Variants in SPINK5 observed in about 807,000 individuals in gnomAD.
SPINK5 encodes the protein serine protease inhibitor Kazal-type 5.
SPINK5 carries 125 observed loss-of-function variants against 151.8 expected under a neutral mutation model. That is an observed-to-expected ratio of 0.82 (90% CI 0.71 to 0.96). The LOEUF (loss-of-function observed/expected upper bound fraction) is 0.96. SPINK5 is among the 40% of genes least tolerant of loss of function. The probability of loss-of-function intolerance (pLI) is 0.00; values close to 1 mark genes in which losing one functional copy is unlikely to be tolerated. For synonymous variants in SPINK5, 374 were observed against 395.3 expected (o/e 0.95, Z 0.64); for missense variants, 1,194 against 1,291.9 (o/e 0.92, Z 1.16).
chr5:148,065,370 C>G lies in SPINK5; in HGVS notation c.79C>G (p.Gln27Glu). 2 of 1,613,520 alleles carry G rather than the reference C, an allele frequency of 1.2e-6. No homozygotes were observed. Among genetic ancestry groups the G allele is most frequent in the Non-Finnish European group, 1.7e-6 (2 of 1,179,788 alleles). ...IQDAASKNED[Q>E]EMCHEFQAFM... is the part of the protein sequence containing the mutation. ...AGATGCTGCCAGTAAGAATGAAGAT[C>G]AGGTTAGTCCTGCTTTTTCTGTTCA... is the stretch of plus-strand genomic sequence containing the variant. Residue 27 changes from glutamine to glutamate, a missense_variant and splice_region_variant, in exon 2 of 33, where the codon CAG becomes GAG. Gln to Glu is a conservative substitution (Grantham distance 29). Transcript: ENST00000256084.
At chr5:148,128,363 C>A (rs1001623804) in intron 30 of SPINK5, among the ~76,000 whole-genome samples, 1 of 151,776 alleles carries the variant, frequency 6.6e-6, no homozygotes, top group Admixed American at 6.6e-5. Flanking sequence ...ACCAGTAGCC[C>A]CCTCATTCTC....
intron 5 of SPINK5, among the ~76,000 whole-genome samples, 170 bp from the exon 6 acceptor site, chr5:148,088,372 A>C (rs1244423190): frequency 6.6e-6 from 1 of 151,888 alleles, no homozygotes; most frequent in African/African-American, 2.4e-5. Context: ...CATTTCTTTG[A>C]CTTGAAGTTA....
chr5:148,070,250 T>C, intron 2 of SPINK5, 73 bp from the exon 3 acceptor site: 1 of 1,542,846 alleles, frequency 6.5e-7, no homozygotes, highest in Non-Finnish European at 8.9e-7. Flanking sequence ...TACATATATC[T>C]ACATATATAT....
In SPINK5 at chr5:148,126,984, C is replaced by CT; in HGVS notation, c.2870dup (p.Thr958AsnfsTer17). The CT allele has an allele frequency of 6.2e-7, 1 of 1,609,862 alleles. No homozygotes were observed. Among genetic ancestry groups the CT allele is most frequent in the Non-Finnish European group, 8.5e-7 (1 of 1,177,662 alleles). On this transcript the variant is annotated frameshift_variant and splice_region_variant, in exon 30 of 33. Coordinates refer to ENST00000256084, the MANE Select transcript of SPINK5 (RefSeq NM_006846.4). LOFTEE classifies it high-confidence loss of function. ...ATTATTTTTTATTTTCTTCTCTAGT[C>CT]TAACAGAAGCTTTGGAAAGGGCAAA...
rs927214297 is a variant in SPINK5, at chr5:148,114,415, A to G, written c.1941A>G (p.Thr647=). 5 of 1,613,742 alleles carry G rather than the reference A, an allele frequency of 3.1e-6. No homozygotes were observed. The highest frequency in any genetic ancestry group is 1.7e-5 in the Admixed American group (1 of 59,984). Residue 647 remains threonine, a synonymous_variant, in exon 21 of 33, where the codon ACA becomes ACG. Transcript: ENST00000256084. ...RLLQNGKLFC[T]RENDPVRGPD... Reference sequence around the variant, plus strand: ...TGCAAAATGGAAAACTTTTCTGCACAAGAGAAAATGATCCTGTGCGTGGCC... The same window carrying G: ...TGCAAAATGGAAAACTTTTCTGCACGAGAGAAAATGATCCTGTGCGTGGCC...
At chr5:148,135,343 A>G (rs1303435819) in intron 32 of SPINK5, among the ~76,000 whole-genome samples, 1 of 152,166 alleles carries the variant, frequency 6.6e-6, no homozygotes, top group Non-Finnish European at 1.5e-5. Flanking sequence ...CACACCTTAG[A>G]CCACACTTCC....
chr5:148,135,081 T>A (rs1754664388), intron 32 of SPINK5, among the ~76,000 whole-genome samples: 1 of 152,162 alleles, frequency 6.6e-6, no homozygotes, highest in African/African-American at 2.4e-5. Flanking sequence ...ATCTTTCTCA[T>A]GTGGGCTTGA....
intron 9 of SPINK5, among the ~76,000 whole-genome samples, chr5:148,095,298 T>A (rs949802419): frequency 6.6e-6 from 1 of 152,006 alleles, no homozygotes; most frequent in African/African-American, 2.4e-5. Flanking sequence ...GGTATGTGTT[T>A]GTATTATATA....
At chr5:148,069,553 G>A (rs759365692) in intron 2 of SPINK5, among the ~76,000 whole-genome samples, 20 of 152,194 alleles carry the variant, frequency 1.3e-4, no homozygotes, top group South Asian at 4.1e-4. Flanking sequence ...AGATTCACAA[G>A]GTTTGATTCT....
intron 26 of SPINK5, among the ~76,000 whole-genome samples, chr5:148,121,084 CAGTG>C (rs10571620): frequency 0.56 from 77,746 of 139,340 alleles, 22,122 homozygotes; most frequent in Admixed American, 0.66. Context: ...GGCGAGCTTG[CAGTG>C]AGCTGAGATA....
At chr5:148,079,868 A>T (rs1291365079) in intron 4 of SPINK5, among the ~76,000 whole-genome samples, 1 of 151,082 alleles carries the variant, frequency 6.6e-6, no homozygotes, top group Non-Finnish European at 1.5e-5. Context: ...GTTTACTGTC[A>T]CCACTCCTAT....
rs771524544 is a variant in SPINK5 at position 148,116,326 on chromosome 5, C to G, written c.2016-44C>G. ...GAAACTCAAAGAAATGCACACCACT[C>G]TCTGTAATCTATTGTTCCCTACCTC... On this transcript the variant is annotated intron_variant, in intron 21 of 32. Transcript: ENST00000256084. 2.1e-5 allele frequency: 33 copies of G among 1,591,400 alleles called. 1 individual carries two copies. In the South Asian group the frequency reaches 3.3e-4, roughly 16 times the overall value.
chr5:148,073,463 C>T (rs1752793747), intron 4 of SPINK5, among the ~76,000 whole-genome samples: 2 of 151,812 alleles, frequency 1.3e-5, no homozygotes, highest in Admixed American at 6.6e-5. Flanking sequence ...TTATATTCTA[C>T]AAAATCTGTG....
chr5:148,112,980 G>T, intron 20 of SPINK5, 46 bp downstream of exon 20: 1 of 1,609,162 alleles, frequency 6.2e-7, no homozygotes, highest in Non-Finnish European at 8.5e-7. Context: ...ATGAGATTTT[G>T]CAGTATCTCT....
Position 148,089,563 on chromosome 5 carries a change from G to A in SPINK5, c.544G>A (p.Val182Ile). 1.2e-6 allele frequency: 2 copies of A among 1,612,250 alleles called. No individual in the cohort carries two copies. Among genetic ancestry groups the A allele is most frequent in the Non-Finnish European group, 1.7e-6 (2 of 1,178,830 alleles). The change falls in exon 7 of 33, where the codon GTT (valine) becomes ATT (isoleucine). Residue 182 changes from valine (V) to isoleucine (I), a missense_variant. Physicochemically the swap from Val to Ile is conservative, Grantham distance 29. Coordinates refer to ENST00000256084, the MANE Select transcript of SPINK5 (RefSeq NM_006846.4). ...RLGCTRENDP[V>I]LGPDGKTHGN... ...TGGATGCACAAGGGAAAATGATCCT[G>A]TTCTTGGTCCTGATGGGAAGACGCA...
Position 148,118,553 on chromosome 5 carries a change from T to G in SPINK5, c.2229T>G (p.Cys743Trp). 8 of 1,614,168 alleles carry G rather than the reference T, an allele frequency of 5.0e-6. No individual in the cohort carries two copies. The highest frequency in any genetic ancestry group is 6.8e-6 in the Non-Finnish European group (8 of 1,180,016). ...CGTACAACAATCAGTGTACCATGTG[T>G]AAAGCAAAATTGTAAGTATTTCTCT... ...GKSYNNQCTM[C>W]KAKLEREAER... is the part of the protein sequence containing the mutation. Residue 743 changes from cysteine (C) to tryptophan (W), a missense_variant, in exon 23 of 33, where the codon TGT becomes TGG. Transcript: ENST00000256084.
intron 26 of SPINK5, 61 bp from the exon 27 acceptor site, chr5:148,123,772 T>C (rs1754354119): frequency 6.2e-7 from 1 of 1,609,966 alleles, no homozygotes; most frequent in East Asian, 2.2e-5. Flanking sequence ...CGGTCAATCA[T>C]GTTATCAGGT....
At position 148,065,465 on chromosome 5, in the gene SPINK5, A is replaced by G. The variant is rs1181229722; in HGVS notation, c.81+93A>G. On this transcript the variant is annotated intron_variant, in intron 2 of 32. Coordinates refer to ENST00000256084, the MANE Select transcript of SPINK5 (RefSeq NM_006846.4). ...ACACCTTCATGTTAATAATACAAAC[A>G]TATTATACTGGTAGGTACTAATAGC... 4 of 1,319,026 alleles carry G rather than the reference A, an allele frequency of 3.0e-6. No homozygotes were observed. The African/African-American group carries it at 4.4e-5, about 14-fold the overall frequency. The allele number at this position is 1,319,026 out of a possible 1,614,324, so 81.7% of individuals were successfully genotyped here.
At position 148,107,071 on chromosome 5, in the gene SPINK5, A is replaced by G. The variant is rs1753801089; in HGVS notation, c.1514A>G (p.Asn505Ser). 1 of 1,612,994 alleles carries G rather than the reference A, an allele frequency of 6.2e-7. No homozygotes were observed. The highest frequency in any genetic ancestry group is 1.7e-5 in the Admixed American group (1 of 59,954). ...ICSEFRDQVR[N>S]GTLICTREHN... Reference sequence around the variant, plus strand: ...AGTGAATTTCGGGACCAAGTGAGGAATGGAACACTTATATGCACCAGGGAG... The same window carrying G: ...AGTGAATTTCGGGACCAAGTGAGGAGTGGAACACTTATATGCACCAGGGAG... The change falls in exon 17 of 33, where the codon AAT (asparagine) becomes AGT (serine). Residue 505 changes from asparagine (N) to serine (S), a missense_variant. Physicochemically the swap from Asn to Ser is conservative, Grantham distance 46 (BLOSUM62 1). Transcript: ENST00000256084.
Sources: allele counts gnomAD v4.1 joint callset (sites outside exome capture counted in the v4.1 genomes callset), GRCh38; gene constraint gnomAD v4.1.1; transcripts MANE v1.5; gene names NCBI Gene and HGNC (gene_info 2026-07-23, HGNC 2026-07-21).